EPHA5: variants seen among roughly 807,000 people sequenced by gnomAD.
The protein encoded by EPHA5 is EPH receptor A5.
Under a neutral mutation model 105.0 loss-of-function variants are expected in EPHA5, and 60 were observed. The ratio of observed to expected loss-of-function variants is 0.57; its 90% CI spans 0.46 to 0.71. The LOEUF is 0.71. EPHA5 is among the 30% of genes least tolerant of loss of function. The pLI, the probability that EPHA5 is intolerant of heterozygous loss-of-function variation, is 0.00. For synonymous variants in EPHA5, 513 were observed against 449.1 expected (o/e 1.14, Z -1.80); for missense variants, 1,218 against 1,274.7 (o/e 0.96, Z 0.68).
At position 65,418,038 on chromosome 4, in the gene EPHA5, TA is replaced by T. The variant is rs1337942897; in HGVS notation, c.1527+2402del. On this transcript the variant is annotated intron_variant, in intron 6 of 16. Coordinates refer to ENST00000613740, the MANE Select transcript of EPHA5 (RefSeq NM_001281766.3). The stretch of plus-strand genomic sequence containing the variant: ...GATAAAAGAAAATGTAAGTACTTGT[TA>T]AACTTTTAGTCTCCCAGCTATTAAC... Among the ~76,000 whole-genome samples, 21 of 152,266 alleles carry T rather than the reference TA, an allele frequency of 1.4e-4. No homozygotes were observed. In the East Asian group the frequency reaches 4.0e-3, roughly 29 times the overall value.
intron 2 of EPHA5, among the ~76,000 whole-genome samples, chr4:65,608,739 C>T (rs555365054): frequency 5.9e-5 from 9 of 152,198 alleles, no homozygotes; most frequent in African/African-American, 4.8e-5. Context: ...TCCTGTTATG[C>T]AATGCATGCA....
chr4:65,461,149 G>A (rs1560561748), intron 5 of EPHA5, among the ~76,000 whole-genome samples: 1 of 151,794 alleles, frequency 6.6e-6, no homozygotes, highest in Non-Finnish European at 1.5e-5. Context: ...TCAGCAATTA[G>A]CAATAAGAGA....
intron 11 of EPHA5, among the ~76,000 whole-genome samples, chr4:65,357,758 G>T (rs2148871417): frequency 6.6e-6 from 1 of 151,428 alleles, no homozygotes; most frequent in Non-Finnish European, 1.5e-5. Flanking sequence ...GTACAACAGT[G>T]TGTGTAGGGG....
intron 3 of EPHA5, among the ~76,000 whole-genome samples, chr4:65,592,163 T>TA (rs1208377925): frequency 2.6e-5 from 4 of 152,112 alleles, no homozygotes; most frequent in African/African-American, 9.6e-5. Context: ...TATAAGCACG[T>TA]AAAAAAAATC....
At chr4:65,566,639 T>C (rs1217876959) in intron 3 of EPHA5, among the ~76,000 whole-genome samples, 2 of 151,788 alleles carry the variant, frequency 1.3e-5, no homozygotes, top group Non-Finnish European at 3.0e-5. Context: ...GCACTGAGCG[T>C]ATGAGCTTTA....
intron 5 of EPHA5, among the ~76,000 whole-genome samples, chr4:65,423,188 G>T (rs1578082817): frequency 6.6e-6 from 1 of 151,980 alleles, no homozygotes; most frequent in Non-Finnish European, 1.5e-5. Context: ...TGATTAAAAT[G>T]GGGTTGTGGG....
intron 3 of EPHA5, among the ~76,000 whole-genome samples, chr4:65,566,127 A>G (rs1000721887): frequency 6.6e-6 from 1 of 151,780 alleles, no homozygotes; most frequent in African/African-American, 2.4e-5. Context: ...ATGGTAATTA[A>G]GAGCTTTCTG....
intron 5 of EPHA5, among the ~76,000 whole-genome samples, chr4:65,457,555 T>G (rs1050154594): frequency 4.6e-5 from 7 of 152,082 alleles, no homozygotes; most frequent in Non-Finnish European, 8.8e-5. Flanking sequence ...TGCTTAAAGG[T>G]ATACATCTCA....
At chr4:65,635,978 C>T (rs527436191) in intron 2 of EPHA5, among the ~76,000 whole-genome samples, 27 of 151,962 alleles carry the variant, frequency 1.8e-4, no homozygotes, top group Non-Finnish European at 2.5e-4. Context: ...ACTATTATTC[C>T]GCCAAGTAAT....
intron 2 of EPHA5, among the ~76,000 whole-genome samples, chr4:65,623,136 A>C (rs899916654): frequency 6.6e-6 from 1 of 152,134 alleles, no homozygotes; most frequent in Non-Finnish European, 1.5e-5. Context: ...CCACCAAAAA[A>C]ATCCCACTTT....
At chr4:65,493,110 G>A (rs887338326) in intron 4 of EPHA5, among the ~76,000 whole-genome samples, 2 of 151,874 alleles carry the variant, frequency 1.3e-5, no homozygotes, top group Non-Finnish European at 2.9e-5. Context: ...TAACAGCTAG[G>A]ATGGGGGCAC....
intron 1 of EPHA5, among the ~76,000 whole-genome samples, chr4:65,645,421 A>G (rs1478130895): frequency 6.6e-6 from 1 of 152,114 alleles, no homozygotes; most frequent in Non-Finnish European, 1.5e-5. Flanking sequence ...AATTGAACTT[A>G]ATCCTTTGGC....
At chr4:65,484,984 T>C (rs1207071870) in intron 5 of EPHA5, among the ~76,000 whole-genome samples, 2 of 151,994 alleles carry the variant, frequency 1.3e-5, no homozygotes, top group East Asian at 3.9e-4. Context: ...TAAATATTAT[T>C]TGGCAAAGAA....
At chr4:65,549,433 T>C (rs187010397) in intron 3 of EPHA5, among the ~76,000 whole-genome samples, 3 of 152,244 alleles carry the variant, frequency 2.0e-5, no homozygotes, top group Admixed American at 6.5e-5. Flanking sequence ...GTGCCAAAAT[T>C]ATATTCAACG....
intron 5 of EPHA5, among the ~76,000 whole-genome samples, chr4:65,431,025 C>T (rs1578101741): frequency 6.6e-6 from 1 of 152,170 alleles, no homozygotes; most frequent in South Asian, 2.1e-4. Context: ...TTTTGATCTA[C>T]CATGATGCAT....
intron 4 of EPHA5, among the ~76,000 whole-genome samples, chr4:65,493,502 T>C (rs910434986): frequency 3.3e-5 from 5 of 152,194 alleles, no homozygotes; most frequent in Admixed American, 6.5e-5. Flanking sequence ...GGAAATCATA[T>C]GCAGTATTTG....
chr4:65,478,656 G>C (rs1730061470), intron 5 of EPHA5, among the ~76,000 whole-genome samples: 1 of 152,024 alleles, frequency 6.6e-6, no homozygotes. Flanking sequence ...ATTTTTAGTA[G>C]AGATGGGGTT....
chr4:65,357,392 A>G (rs1723403248), intron 11 of EPHA5, among the ~76,000 whole-genome samples: 1 of 151,554 alleles, frequency 6.6e-6, no homozygotes, highest in African/African-American at 2.4e-5. Flanking sequence ...CAAAATATTT[A>G]CTTTGATTTC....
At position 65,321,452 on chromosome 4, in the gene EPHA5, T is replaced by C. The variant is rs1376919072; in HGVS notation, c.*2662A>G. 1 of 229,972 alleles carries C rather than the reference T, an allele frequency of 4.3e-6. No homozygotes were observed. The highest frequency in any genetic ancestry group is 6.1e-5 in the East Asian group (1 of 16,294). The allele number at this position is 229,972 out of a possible 1,614,324, so 14.2% of individuals were successfully genotyped here. A position where few individuals can be genotyped will look rare whatever the true frequency, so the allele number is the denominator to read the frequency against. ...ATTTTCCAATTGGTGACATATACAA[T>C]AGGAAACAAATATTTTAGGAAGGCA... On this transcript the variant is annotated 3_prime_UTR_variant, in exon 17 of 17. Transcript: ENST00000613740.
Sources: gnomAD v4.1 joint callset for allele counts (sites outside exome capture counted in the v4.1 genomes callset) on GRCh38, gnomAD v4.1.1 for gene constraint, MANE v1.5 for transcripts, NCBI Gene and HGNC (gene_info 2026-07-23, HGNC 2026-07-21) for gene names.